The following GLI2 variants were observed in gnomAD, a reference collection of about 807,000 sequenced individuals.
The protein encoded by GLI2 is transcription activator GLI2.
In GLI2, 22 loss-of-function variants were observed where a neutral mutation model predicts 78.9. That is an observed-to-expected ratio of 0.28 (90% CI 0.20 to 0.40). The LOEUF (loss-of-function observed/expected upper bound fraction) is 0.40, where lower values mean the gene tolerates loss of function less well. Among genes scored for constraint, GLI2 ranks in the 10% least tolerant of loss-of-function variants. GLI2 has a pLI of 1.00. For synonymous variants in GLI2, 974 were observed against 963.7 expected, an observed-to-expected ratio of 1.01 and a Z score of -0.20; for missense variants, 2,097 against 2,213.2, an observed-to-expected ratio of 0.95 and a Z score of 1.05.
chr2:120,986,379 G>A lies in GLI2; in HGVS notation c.2007G>A (p.Thr669=), dbSNP rs138592005. The A allele has an allele frequency of 2.5e-4, 406 of 1,613,482 alleles. No individual in the cohort carries two copies. The highest frequency in any genetic ancestry group is 3.1e-4 in the Non-Finnish European group (371 of 1,179,946). ...ACAGTGGCGTGGAGATGCCGGGGAC[G>A]GGGCCCGGGAGCCTGGGAGACCTGA... The part of the protein sequence containing the change: ...NNDSGVEMPG[T]GPGSLGDLTA... Residue 669 remains threonine (T), a synonymous_variant, in exon 13 of 14, where the codon ACG becomes ACA. Coordinates refer to ENST00000361492, the MANE Select transcript of GLI2 (RefSeq NM_001374353.1).
At chr2:120,916,379 C>T (rs916162432) in intron 2 of GLI2, among the ~76,000 whole-genome samples, 1 of 152,242 alleles carries the variant, frequency 6.6e-6, no homozygotes, top group South Asian at 2.1e-4. Flanking sequence ...GCTCACTGTC[C>T]GCACTGCCCT....
At chr2:120,906,244 C>G (rs546848871) in intron 2 of GLI2, among the ~76,000 whole-genome samples, 2 of 152,268 alleles carry the variant, frequency 1.3e-5, no homozygotes, top group African/African-American at 4.8e-5. Context: ...GTGGCCACAT[C>G]CCTCGAGTGG....
intron 2 of GLI2, among the ~76,000 whole-genome samples, chr2:120,798,456 GGGGCTTAGGAGTTGGTGCTTCTACGAGT>G (rs1415151829): frequency 6.6e-6 from 1 of 152,246 alleles, no homozygotes; most frequent in Non-Finnish European, 1.5e-5. Context: ...GACCCTCGGA[GGGGCTTAGGAGTTGGTGCTTCTACGAGT>G]GGACCTGAGG....
intron 1 of GLI2, among the ~76,000 whole-genome samples, chr2:120,775,407 A>C (rs17389953): frequency 0.2 from 30,067 of 152,192 alleles, 3,561 homozygotes; most frequent in Non-Finnish European, 0.26. Flanking sequence ...GGTGTCCATC[A>C]GGGGTAGTTG....
chr2:120,755,732 TATATG>T (rs1332535267), intron 1 of GLI2, among the ~76,000 whole-genome samples: 3 of 151,870 alleles, frequency 2.0e-5, no homozygotes, highest in Admixed American at 6.6e-5. Flanking sequence ...TTAAATTTAA[TATATG>T]ATATATATTA....
At chr2:120,758,003 C>T (rs1394534566) in intron 1 of GLI2, among the ~76,000 whole-genome samples, 1 of 152,234 alleles carries the variant, frequency 6.6e-6, no homozygotes, top group Non-Finnish European at 1.5e-5. Flanking sequence ...TTCTCACTAG[C>T]AGGGCCTTTC....
Position 120,989,383 on chromosome 2 carries a change from C to G in GLI2, c.3418C>G (p.Leu1140Val), listed in dbSNP as rs141988240. Residue 1140 changes from leucine to valine, a missense_variant, in exon 14 of 14, where the codon CTG becomes GTG. By Grantham distance (32) the Leu-to-Val change is conservative (BLOSUM62 1). Coordinates refer to ENST00000361492, the MANE Select transcript of GLI2 (RefSeq NM_001374353.1). ...NEVSSGTVDA[L>V]ASQVKPPPFP... ...GGTGAGCTCCGGCACCGTAGACGCCCTGGCCAGCCAGGTGAAGCCTCCACC... is the reference window on the plus strand; with the variant it reads ...GGTGAGCTCCGGCACCGTAGACGCCGTGGCCAGCCAGGTGAAGCCTCCACC... 7 of 1,612,908 alleles carry G rather than the reference C, an allele frequency of 4.3e-6. No homozygotes were observed. In the African/African-American group the frequency reaches 5.3e-5, roughly 12 times the overall value.
chr2:120,829,432 G>C (rs1009080151), intron 2 of GLI2, among the ~76,000 whole-genome samples: 1 of 152,200 alleles, frequency 6.6e-6, no homozygotes, highest in African/African-American at 2.4e-5. Context: ...GTTGGACAGT[G>C]CTAGGGCTGA....
intron 2 of GLI2, among the ~76,000 whole-genome samples, chr2:120,869,134 A>G (rs1019749351): frequency 1.4e-4 from 21 of 152,086 alleles, no homozygotes; most frequent in African/African-American, 5.1e-4. Flanking sequence ...AGAGGAGACC[A>G]TTTCTGGGCC....
chr2:120,927,890 T>C (rs1290825520), intron 3 of GLI2, among the ~76,000 whole-genome samples: 1 of 152,212 alleles, frequency 6.6e-6, no homozygotes, highest in Non-Finnish European at 1.5e-5. Context: ...AATTGTATAG[T>C]CACCATACTT....
intron 1 of GLI2, among the ~76,000 whole-genome samples, chr2:120,749,314 G>T (rs1231621599): frequency 6.6e-6 from 1 of 152,068 alleles, no homozygotes; most frequent in African/African-American, 2.4e-5. Context: ...TGACCTCCTT[G>T]GTTTGAGAAA....
At chr2:120,817,159 G>C (rs1355384396) in intron 2 of GLI2, among the ~76,000 whole-genome samples, 2 of 152,218 alleles carry the variant, frequency 1.3e-5, no homozygotes, top group African/African-American at 4.8e-5. Flanking sequence ...CTCTTGAGAG[G>C]ACCGCTGCTC....
intron 2 of GLI2, among the ~76,000 whole-genome samples, chr2:120,807,865 C>T (rs1018099277): frequency 4.6e-5 from 7 of 152,134 alleles, no homozygotes; most frequent in Non-Finnish European, 8.8e-5. Context: ...CACACCTCCC[C>T]GCCCCCGCCA....
intron 3 of GLI2, among the ~76,000 whole-genome samples, chr2:120,928,662 C>T (rs531128636): frequency 1.1e-3 from 164 of 152,378 alleles, no homozygotes; most frequent in Admixed American, 3.3e-3. Context: ...ACTGTGCTCA[C>T]AGCATTGTGC....
chr2:120,750,191 C>G (rs1682821902), intron 1 of GLI2, among the ~76,000 whole-genome samples: 1 of 152,256 alleles, frequency 6.6e-6, no homozygotes, highest in African/African-American at 2.4e-5. Context: ...AGGAGGTACA[C>G]TCATTCCTTC....
chr2:120,939,207 A>C (rs541367517), intron 3 of GLI2, among the ~76,000 whole-genome samples: 2 of 152,172 alleles, frequency 1.3e-5, no homozygotes, highest in East Asian at 1.9e-4. Flanking sequence ...ACTTGAACCT[A>C]GGAGGCGGAA....
At chr2:120,765,699 A>T (rs2104650625) in intron 1 of GLI2, among the ~76,000 whole-genome samples, 1 of 152,348 alleles carries the variant, frequency 6.6e-6, no homozygotes. Flanking sequence ...GGCTTCAGGG[A>T]GACAGGAGAT....
In GLI2 at chr2:120,968,701, G is replaced by T; in HGVS notation, c.644-13G>T. On this transcript the variant is annotated splice_polypyrimidine_tract_variant and intron_variant, in intron 5 of 13. Transcript: ENST00000361492. ...CAGTGATGCTGACCTGTCTTGTGTT[G>T]ACTATCCCACAGTGTCCCGTTTCTC... 6.3e-7 allele frequency: 1 copy of T among 1,584,694 alleles called. No individual in the cohort carries two copies. The highest frequency in any genetic ancestry group is 1.1e-5 in the South Asian group (1 of 90,522).
intron 1 of GLI2, among the ~76,000 whole-genome samples, chr2:120,750,933 G>A (rs1375297520): frequency 2.0e-5 from 3 of 152,348 alleles, no homozygotes; most frequent in South Asian, 4.1e-4. Flanking sequence ...CCCCGGTACC[G>A]CCTGCCTCTA....
Sources: gnomAD v4.1 joint callset for allele counts (sites outside exome capture counted in the v4.1 genomes callset) on GRCh38, gnomAD v4.1.1 for gene constraint, MANE v1.5 for transcripts, NCBI Gene and HGNC (gene_info 2026-07-23, HGNC 2026-07-21) for gene names.